The following RFK variants were observed in gnomAD, a reference collection of about 807,000 sequenced individuals.
RFK encodes riboflavin kinase.
Under a neutral mutation model 17.6 loss-of-function variants are expected in RFK, and 4 were observed. That is an observed-to-expected ratio of 0.23 (90% CI 0.11 to 0.52). The LOEUF is 0.52. Among genes scored for constraint, RFK ranks in the 20% least tolerant of loss-of-function variants. The probability of loss-of-function intolerance (pLI) is 0.96; values close to 1 mark genes in which losing one functional copy is unlikely to be tolerated. For synonymous variants in RFK, 59 were observed against 63.8 expected, an observed-to-expected ratio of 0.92 and a Z score of 0.36; for missense variants, 189 against 187.7, an observed-to-expected ratio of 1.01 and a Z score of -0.04.
At chr9:76,388,001 C>T (rs891556205) in intron 3 of RFK, 10 of 278,334 alleles carry the variant, frequency 3.6e-5, no homozygotes, top group African/African-American at 2.3e-4. Context: ...CTGTCTCAAA[C>T]AAACAAACAA....
chr9:76,388,499 A>T, intron 3 of RFK, 55 bp downstream of exon 3: 1 of 1,053,436 alleles, frequency 9.5e-7, no homozygotes, highest in Non-Finnish European at 1.5e-6. Context: ...TAGTAGTGGT[A>T]GAGTTACCTG....
Position 76,394,332 on chromosome 9 carries a change from C to A in RFK, c.-161G>T. 1 of 583,236 alleles carries A rather than the reference C, an allele frequency of 1.7e-6. No homozygotes were observed. The highest frequency in any genetic ancestry group is 2.8e-6 in the Non-Finnish European group (1 of 353,368). 36.1% of individuals were successfully genotyped at this position (583,236 alleles called of 1,614,324 possible). ...GCCGGACGACGCCGACCACAGGCCA[C>A]TGCGAATCCCTGACGCCGCCGACCC... On this transcript the variant is annotated 5_prime_UTR_variant, in exon 1 of 4. Transcript: ENST00000376736.
At chr9:76,388,069 C>T (rs1169396312) in intron 3 of RFK, 1 of 349,022 alleles carries the variant, frequency 2.9e-6, no homozygotes, top group Non-Finnish European at 5.6e-6. Context: ...TAAATGTACA[C>T]TGCAAATATC....
chr9:76,388,433 T>C (rs1233772210), intron 3 of RFK, 121 bp downstream of exon 3: 2 of 690,688 alleles, frequency 2.9e-6, no homozygotes, highest in East Asian at 2.5e-5. Context: ...CTTAAAACGG[T>C]GCCTGGCATA....
At chr9:76,393,953 G>C (rs749193432) in intron 1 of RFK, 137 bp downstream of exon 1, 10 of 750,784 alleles carry the variant, frequency 1.3e-5, no homozygotes, top group Non-Finnish European at 1.9e-5. Context: ...CACAGACAAG[G>C]GGATGCGGGA....
In RFK at chr9:76,394,283, G is replaced by T; in HGVS notation, c.-112C>A. ...GCCGGGGGACAGGAGCGTGAGCTCT[G>T]CCTGCCGCGGGGGCGCACCAGTGGC... On this transcript the variant is annotated 5_prime_UTR_variant, in exon 1 of 4. Coordinates refer to ENST00000376736, the MANE Select transcript of RFK (RefSeq NM_018339.6). 1.9e-6 allele frequency: 2 copies of T among 1,076,376 alleles called. No individual in the cohort carries two copies. Among genetic ancestry groups the T allele is most frequent in the Middle Eastern group, 2.9e-4 (1 of 3,414 alleles). The allele number at this position is 1,076,376 out of a possible 1,614,324, so 66.7% of individuals were successfully genotyped here. A position where few individuals can be genotyped will look rare whatever the true frequency, so the allele number is the denominator to read the frequency against.
chr9:76,388,414 C>T (rs1464094221), intron 3 of RFK, 140 bp downstream of exon 3: 23 of 650,594 alleles, frequency 3.5e-5, no homozygotes, highest in Admixed American at 7.4e-5. Flanking sequence ...GATAGATTCA[C>T]GTAAAGCACT....
In RFK at chr9:76,390,708, A is replaced by AG. The variant is rs1314033931; in HGVS notation, c.234+1709dup. ...AACTCTGTTCTTCAACACACCATTG[A>AG]GAAAAAAAAAAAAAAAACCACACAC... On this transcript the variant is annotated intron_variant, in intron 2 of 3. Coordinates refer to ENST00000376736, the MANE Select transcript of RFK (RefSeq NM_018339.6). 1.9e-4 allele frequency among the ~76,000 whole-genome samples: 17 copies of AG among 91,584 alleles called. No homozygotes were observed. In the South Asian group the frequency reaches 3.7e-3, roughly 20 times the overall value. 60.1% of individuals were successfully genotyped at this position (91,584 alleles called of 152,430 possible).
chr9:76,388,794 TC>T, intron 2 of RFK, 138 bp from the exon 3 acceptor site: 1 of 558,306 alleles, frequency 1.8e-6, no homozygotes, highest in Non-Finnish European at 3.1e-6. Context: ...CAGGTTAAAA[TC>T]TAAGTGCAGT....
Position 76,387,335 on chromosome 9 carries a change from G to A in RFK, c.*64C>T. Reference sequence around the variant, plus strand: ...ATTTTCAGTATATAACCAAGATGATGCTGAACAGTAATAAACACAGAAACA... The same window carrying A: ...ATTTTCAGTATATAACCAAGATGATACTGAACAGTAATAAACACAGAAACA... On this transcript the variant is annotated 3_prime_UTR_variant, in exon 4 of 4. Transcript: ENST00000376736. 3 of 1,447,332 alleles carry A rather than the reference G, an allele frequency of 2.1e-6. No homozygotes were observed. The East Asian group carries it at 6.8e-5, about 33-fold the overall frequency. The allele number at this position is 1,447,332 out of a possible 1,614,324, so 89.7% of individuals were successfully genotyped here.
In RFK at chr9:76,394,258, G is replaced by GGT; in HGVS notation, c.-88_-87insAC. On this transcript the variant is annotated 5_prime_UTR_variant, in exon 1 of 4. Transcript: ENST00000376736. ...GACGCGGCGCCCAGACCCCGGACCA[G>GGT]CCGGGGGACAGGAGCGTGAGCTCTG... The GGT allele has an allele frequency of 7.3e-7, 1 of 1,373,134 alleles. No homozygotes were observed. The highest frequency in any genetic ancestry group is 9.9e-7 in the Non-Finnish European group (1 of 1,007,036). 85.1% of individuals were successfully genotyped at this position (1,373,134 alleles called of 1,614,324 possible).
In RFK at chr9:76,394,290, G is replaced by A; in HGVS notation, c.-119C>T. 1 of 947,042 alleles carries A rather than the reference G, an allele frequency of 1.1e-6. No individual in the cohort carries two copies. Among genetic ancestry groups the A allele is most frequent in the Non-Finnish European group, 1.5e-6 (1 of 666,612 alleles). The allele number at this position is 947,042 out of a possible 1,614,324, so 58.7% of individuals were successfully genotyped here. A position where few individuals can be genotyped will look rare whatever the true frequency, so the allele number is the denominator to read the frequency against. ...GACAGGAGCGTGAGCTCTGCCTGCC[G>A]CGGGGGCGCACCAGTGGCCGGACGA... On this transcript the variant is annotated 5_prime_UTR_variant, in exon 1 of 4. Coordinates refer to ENST00000376736, the MANE Select transcript of RFK (RefSeq NM_018339.6).
intron 3 of RFK, 188 bp from the exon 4 acceptor site, chr9:76,387,717 AGGCC>A (rs138282433): frequency 0.11 from 54,346 of 514,002 alleles, 3,281 homozygotes; most frequent in Middle Eastern, 0.19. Flanking sequence ...ATATGTCCCT[AGGCC>A]GGGGGCAGTG....
intron 1 of RFK, 191 bp downstream of exon 1, chr9:76,393,899 A>AG: frequency 1.7e-6 from 1 of 571,628 alleles, no homozygotes; most frequent in East Asian, 3.2e-5. Context: ...GCTCGGAGCC[A>AG]GAAGCAGGGA....
chr9:76,393,728 G>C (rs62567919), intron 1 of RFK: 2 of 313,558 alleles, frequency 6.4e-6, no homozygotes, highest in Non-Finnish European at 1.2e-5. Flanking sequence ...GACCCGGCTT[G>C]CGAGTTCAGC....
intron 2 of RFK, among the ~76,000 whole-genome samples, chr9:76,391,260 T>C (rs1822816641): frequency 6.6e-6 from 1 of 152,260 alleles, no homozygotes; most frequent in African/African-American, 2.4e-5. Context: ...CACACTTCAC[T>C]TCTATTAACT....
At position 76,388,096 on chromosome 9, in the gene RFK, C is replaced by T. The variant is rs150329163; in HGVS notation, c.337+458G>A. 6.7e-4 allele frequency: 233 copies of T among 347,208 alleles called. 2 individuals are homozygous for T. The East Asian group carries it at 0.017, about 26-fold the overall frequency. 21.5% of individuals were successfully genotyped at this position (347,208 alleles called of 1,614,324 possible). A position where few individuals can be genotyped will look rare whatever the true frequency, so the allele number is the denominator to read the frequency against. ...GCAAATATCAAATGGAGGAAAAAAG[C>T]ATTCACTATTATTTTTGGTTGGTAT... On this transcript the variant is annotated intron_variant, in intron 3 of 3. Coordinates refer to ENST00000376736, the MANE Select transcript of RFK (RefSeq NM_018339.6).
In RFK at chr9:76,388,934, A is replaced by G. The variant is rs112844419; in HGVS notation, c.235-278T>C. Among the ~76,000 whole-genome samples, 304 of 152,360 alleles carry G rather than the reference A, an allele frequency of 2.0e-3. 1 individual carries two copies. Among genetic ancestry groups the G allele is most frequent in the Non-Finnish European group, 3.4e-3 (234 of 68,038 alleles). On this transcript the variant is annotated intron_variant, in intron 2 of 3. Coordinates refer to ENST00000376736, the MANE Select transcript of RFK (RefSeq NM_018339.6). Reference sequence around the variant, plus strand: ...AACAATAACAAAAAAACTGACACGTATCCAAGGAAGTAAGTATCTTATCAA... The same window carrying G: ...AACAATAACAAAAAAACTGACACGTGTCCAAGGAAGTAAGTATCTTATCAA...
At position 76,386,095 on chromosome 9, in the gene RFK, T is replaced by A. The variant is rs1251265529; in HGVS notation, c.*1304A>T. The A allele has an allele frequency of 6.6e-6, 1 of 151,968 alleles. No individual in the cohort carries two copies. Among genetic ancestry groups the A allele is most frequent in the Non-Finnish European group, 1.5e-5 (1 of 67,990 alleles). The allele number at this position is 151,968 out of a possible 1,614,324, so 9.4% of individuals were successfully genotyped here. A position where few individuals can be genotyped will look rare whatever the true frequency, so the allele number is the denominator to read the frequency against. ...TACCTTCTATCTGCTTCTACCTCTA[T>A]CCCCCCATCACCACCAAATCTGTTG... On this transcript the variant is annotated 3_prime_UTR_variant, in exon 4 of 4. Transcript: ENST00000376736.
Sources: allele counts gnomAD v4.1 joint callset (sites outside exome capture counted in the v4.1 genomes callset), GRCh38; gene constraint gnomAD v4.1.1; transcripts MANE v1.5; gene names NCBI Gene and HGNC (gene_info 2026-07-23, HGNC 2026-07-21).